NTM: variants seen among roughly 807,000 people sequenced by gnomAD.
NTM encodes IgLON family member 2.
In NTM, 13 loss-of-function variants were observed where a neutral mutation model predicts 42.1. That is an observed-to-expected ratio of 0.31 (90% CI 0.20 to 0.49). NTM has a LOEUF of 0.49. Among genes scored for constraint, NTM ranks in the 20% least tolerant of loss-of-function variants. The probability of loss-of-function intolerance (pLI) is 0.99; values close to 1 mark genes in which losing one functional copy is unlikely to be tolerated. For synonymous variants in NTM, 187 were observed against 179.2 expected, an observed-to-expected ratio of 1.04 and a Z score of -0.35; for missense variants, 373 against 452.8, an observed-to-expected ratio of 0.82 and a Z score of 1.60.
chr11:131,465,894 C>G (rs1051156723), intron 1 of NTM, among the ~76,000 whole-genome samples: 1 of 151,566 alleles, frequency 6.6e-6, no homozygotes, highest in African/African-American at 2.4e-5. Flanking sequence ...TCCTCCAAAG[C>G]CACAGCAGGG....
intron 4 of NTM, among the ~76,000 whole-genome samples, chr11:132,229,005 G>T (rs2086894469): frequency 6.6e-6 from 1 of 152,096 alleles, no homozygotes; most frequent in Non-Finnish European, 1.5e-5. Flanking sequence ...AAATGAAGGT[G>T]GTTATGATTA....
intron 7 of NTM, among the ~76,000 whole-genome samples, chr11:132,325,037 T>G (rs957698704): frequency 9.9e-5 from 15 of 151,508 alleles, no homozygotes; most frequent in African/African-American, 3.6e-4. Context: ...GATTAAAGAC[T>G]TAAACGTTAG....
intron 1 of NTM, among the ~76,000 whole-genome samples, chr11:131,625,300 T>C (rs2062988988): frequency 6.6e-6 from 1 of 152,038 alleles, no homozygotes; most frequent in African/African-American, 2.4e-5. Context: ...CCCATGATGG[T>C]CTTTATGGAC....
chr11:132,068,621 C>G (rs1409863136), intron 2 of NTM, among the ~76,000 whole-genome samples: 4 of 152,230 alleles, frequency 2.6e-5, no homozygotes, highest in Non-Finnish European at 5.9e-5. Flanking sequence ...TGTATTTCTT[C>G]TAGCAATAAC....
chr11:131,824,978 C>A (rs145420723), intron 1 of NTM, among the ~76,000 whole-genome samples: 2 of 152,052 alleles, frequency 1.3e-5, no homozygotes, highest in East Asian at 1.9e-4. Flanking sequence ...TAAAGTATTG[C>A]GAAATGGATG....
At chr11:132,252,195 G>T (rs2139394891) in intron 4 of NTM, among the ~76,000 whole-genome samples, 1 of 151,720 alleles carries the variant, frequency 6.6e-6, no homozygotes, top group East Asian at 1.9e-4. Flanking sequence ...CTTAGCATTT[G>T]TTTCCCATCT....
intron 1 of NTM, among the ~76,000 whole-genome samples, chr11:131,449,672 C>T (rs1188906507): frequency 6.6e-6 from 1 of 152,198 alleles, no homozygotes. Context: ...TGGTAATTTC[C>T]ACCAGCTGGC....
intron 4 of NTM, among the ~76,000 whole-genome samples, chr11:132,252,231 A>G (rs1168260723): frequency 6.6e-6 from 1 of 151,986 alleles, no homozygotes; most frequent in East Asian, 1.9e-4. Flanking sequence ...ATCTACCTAC[A>G]ATCAACCTTT....
At chr11:131,922,687 C>T (rs970883099) in intron 2 of NTM, among the ~76,000 whole-genome samples, 31 of 152,180 alleles carry the variant, frequency 2.0e-4, no homozygotes, top group African/African-American at 7.2e-4. Context: ...TGGCATCTTG[C>T]CTGGTCTCCT....
chr11:131,481,229 A>G (rs989924984), intron 1 of NTM, among the ~76,000 whole-genome samples: 2 of 152,214 alleles, frequency 1.3e-5, no homozygotes, highest in Non-Finnish European at 2.9e-5. Context: ...ATTGAAGGTC[A>G]AGAGAAGTAG....
chr11:131,773,576 G>A (rs2086489547), intron 1 of NTM, among the ~76,000 whole-genome samples: 1 of 152,134 alleles, frequency 6.6e-6, no homozygotes, highest in Non-Finnish European at 1.5e-5. Flanking sequence ...TTCAGCATTA[G>A]TCTCATATTG....
intron 1 of NTM, among the ~76,000 whole-genome samples, chr11:131,501,703 T>G (rs1004744795): frequency 7.2e-5 from 11 of 152,106 alleles, no homozygotes; most frequent in African/African-American, 2.4e-4. Flanking sequence ...ATCTTGAGTG[T>G]GCTGTAAAGG....
intron 4 of NTM, among the ~76,000 whole-genome samples, chr11:132,212,865 C>T (rs1263881830): frequency 6.6e-6 from 1 of 151,954 alleles, no homozygotes; most frequent in East Asian, 1.9e-4. Context: ...TTGTAATAGT[C>T]CAGCCTCTCT....
chr11:131,621,636 CAAAAAA>C (rs527788930), intron 1 of NTM, among the ~76,000 whole-genome samples: 33 of 99,004 alleles, frequency 3.3e-4, no homozygotes, highest in African/African-American at 9.8e-4. Context: ...CCTATCTTTA[CAAAAAA>C]AAAAAAAAAA....
chr11:131,515,343 G>A (rs1046859548), intron 1 of NTM, among the ~76,000 whole-genome samples: 1 of 152,168 alleles, frequency 6.6e-6, no homozygotes, highest in Non-Finnish European at 1.5e-5. Context: ...TCAGCGTGGG[G>A]AAATCGTGGC....
intron 2 of NTM, among the ~76,000 whole-genome samples, chr11:131,996,230 G>A (rs1342347944): frequency 1.3e-5 from 2 of 152,018 alleles, no homozygotes; most frequent in African/African-American, 4.8e-5. Context: ...GTTGTGAGAG[G>A]AATGGATTGG....
chr11:131,555,561 T>C (rs1458653889), intron 1 of NTM, among the ~76,000 whole-genome samples: 1 of 152,320 alleles, frequency 6.6e-6, no homozygotes. Flanking sequence ...GCATACCCAA[T>C]GACAGGTAGA....
chr11:131,912,393 G>C (rs1055118074), intron 2 of NTM, among the ~76,000 whole-genome samples: 1 of 152,108 alleles, frequency 6.6e-6, no homozygotes, highest in Non-Finnish European at 1.5e-5. Flanking sequence ...GGCTTCTGGG[G>C]TTAAGGCTTA....
chr11:131,561,694 A>G (rs2056249245), intron 1 of NTM, among the ~76,000 whole-genome samples: 3 of 115,254 alleles, frequency 2.6e-5, no homozygotes, highest in African/African-American at 9.2e-5. Flanking sequence ...AGTATCCCAG[A>G]TACTCTGTTA....
Sources: allele counts gnomAD v4.1 joint callset (sites outside exome capture counted in the v4.1 genomes callset), GRCh38; gene constraint gnomAD v4.1.1; transcripts MANE v1.5; gene names NCBI Gene and HGNC (gene_info 2026-07-23, HGNC 2026-07-21).